UGT2A1: variants seen among roughly 807,000 people sequenced by gnomAD.
UGT2A1 encodes the protein UDP-glucuronosyltransferase 2A1.
Under a neutral mutation model 45.4 loss-of-function variants are expected in UGT2A1, and 61 were observed. The ratio of observed to expected loss-of-function variants is 1.34; its 90% CI spans 1.09 to 1.66. The LOEUF (loss-of-function observed/expected upper bound fraction) is 1.66. Ranked by LOEUF, UGT2A1 falls within the 40% of genes most tolerant of loss-of-function variation. The pLI, the probability that UGT2A1 is intolerant of heterozygous loss-of-function variation, is 0.00. For missense variants in UGT2A1, 649 were observed against 574.3 expected (o/e 1.13, Z -1.33); for synonymous variants, 229 against 196.2 (o/e 1.17, Z -1.40).
At chr4:69,619,452 C>T (rs1015784086) in intron 3 of UGT2A1, among the ~76,000 whole-genome samples, 4 of 141,260 alleles carry the variant, frequency 2.8e-5, no homozygotes, top group Non-Finnish European at 4.6e-5. Flanking sequence ...TAAATAAAGC[C>T]AATATACAAA....
intron 6 of UGT2A1, 65 bp downstream of exon 6, chr4:69,594,412 C>T: frequency 6.4e-7 from 1 of 1,565,206 alleles, no homozygotes. Context: ...AAAGAATGTA[C>T]ATTTTCTGGT....
chr4:69,639,467 A>C, intron 2 of UGT2A1: 1 of 1,613,224 alleles, frequency 6.2e-7, no homozygotes, highest in Non-Finnish European at 8.5e-7. Context: ...GTACAGTCAC[A>C]TTGTGATTTC....
chr4:69,608,722 C>T (rs938953451), intron 3 of UGT2A1, among the ~76,000 whole-genome samples: 1 of 151,944 alleles, frequency 6.6e-6, no homozygotes. Context: ...AGAGACAGAG[C>T]TTCACTCTTG....
rs1366425775 is a variant in UGT2A1, at chr4:69,646,957, A to G, written c.688T>C (p.Trp230Arg). Reference sequence around the variant, plus strand: ...AAAGCTTTACTATAGTATGAATCCCATGATTTCCAAAGAGTTTCAAACATG... The same window carrying G: ...AAAGCTTTACTATAGTATGAATCCCGTGATTTCCAAAGAGTTTCAAACATG... Reference protein sequence around the residue: ...DYMFETLWKSWDSYYSKALGG... With the variant: ...DYMFETLWKSRDSYYSKALGG... The change falls in exon 2 of 7, where the codon TGG (tryptophan) becomes CGG (arginine). Residue 230 changes from tryptophan to arginine, a missense_variant. Trp to Arg is a moderately radical substitution (Grantham distance 101). Coordinates refer to ENST00000286604, the MANE Select transcript of UGT2A1 (RefSeq NM_001252275.3). 6.3e-7 allele frequency: 1 copy of G among 1,597,858 alleles called. No homozygotes were observed. Among genetic ancestry groups the G allele is most frequent in the Non-Finnish European group, 8.5e-7 (1 of 1,173,788 alleles).
chr4:69,652,429 G>A (rs891788128), intron 1 of UGT2A1, among the ~76,000 whole-genome samples: 24 of 150,884 alleles, frequency 1.6e-4, no homozygotes, highest in African/African-American at 5.4e-4. Flanking sequence ...GATTATAGGC[G>A]ACCACCACCA....
At chr4:69,638,500 C>T (rs1157395405) in intron 2 of UGT2A1, among the ~76,000 whole-genome samples, 3 of 152,056 alleles carry the variant, frequency 2.0e-5, no homozygotes, top group Non-Finnish European at 4.4e-5. Flanking sequence ...CTTTTCAAAG[C>T]TTTCTGCAGA....
At chr4:69,640,415 T>C (rs1721988836) in intron 2 of UGT2A1, among the ~76,000 whole-genome samples, 1 of 151,974 alleles carries the variant, frequency 6.6e-6, no homozygotes, top group African/African-American at 2.4e-5. Context: ...TTAATAAATT[T>C]GTCCAAAGAT....
chr4:69,611,364 A>T (rs1449201520), intron 3 of UGT2A1, among the ~76,000 whole-genome samples: 1 of 151,706 alleles, frequency 6.6e-6, no homozygotes, highest in Non-Finnish European at 1.5e-5. Flanking sequence ...CAGGGTCATA[A>T]AAGTACTCTA....
intron 3 of UGT2A1, among the ~76,000 whole-genome samples, chr4:69,630,934 A>G (rs1721346249): frequency 6.6e-6 from 1 of 152,060 alleles, no homozygotes; most frequent in South Asian, 2.1e-4. Flanking sequence ...AGAATACACG[A>G]CTAAGTGGCA....
chr4:69,623,943 TA>T (rs948274364), intron 3 of UGT2A1, among the ~76,000 whole-genome samples: 3 of 151,692 alleles, frequency 2.0e-5, no homozygotes, highest in South Asian at 4.1e-4. Context: ...ACAAGCACCT[TA>T]AAAAAGCATC....
chr4:69,649,866 C>T (rs568894844), intron 1 of UGT2A1, among the ~76,000 whole-genome samples: 1 of 152,052 alleles, frequency 6.6e-6, no homozygotes, highest in African/African-American at 2.4e-5. Flanking sequence ...TCTCCTGACA[C>T]ATGCGCAGTA....
At chr4:69,609,597 T>C (rs181905620) in intron 3 of UGT2A1, among the ~76,000 whole-genome samples, 34 of 152,308 alleles carry the variant, frequency 2.2e-4, no homozygotes, top group East Asian at 2.1e-3. Context: ...ATGGGAAATA[T>C]AACACCCTAC....
At chr4:69,648,399 T>C (rs573726424) in intron 1 of UGT2A1, among the ~76,000 whole-genome samples, 2 of 151,802 alleles carry the variant, frequency 1.3e-5, no homozygotes, top group Non-Finnish European at 2.9e-5. Context: ...TTTAAGAGAA[T>C]TACTAAGTCA....
Position 69,595,235 on chromosome 4 carries a change from G to A in UGT2A1, c.1011C>T (p.Tyr337=). 1 of 1,613,588 alleles carries A rather than the reference G, an allele frequency of 6.2e-7. No homozygotes were observed. The highest frequency in any genetic ancestry group is 8.5e-7 in the Non-Finnish European group (1 of 1,179,804). Residue 337 remains tyrosine (Y), a synonymous_variant, in exon 5 of 7, where the codon TAC becomes TAT. Transcript: ENST00000286604. ...CTAATGTGGCTGGTTTCTTTCCTTT[G>A]TATCTCCATAAAACCTGTGGAAAAT... ...AKPLPKVLWR[Y]KGKKPATLGN...
In UGT2A1 at chr4:69,595,161, C is replaced by T. The variant is rs1337562356; in HGVS notation, c.1084+1G>A. 4.3e-6 allele frequency: 7 copies of T among 1,613,804 alleles called. No individual in the cohort carries two copies. In the Admixed American group the frequency reaches 1.2e-4, roughly 27 times the overall value. The stretch of plus-strand genomic sequence containing the variant: ...CAGCTTTTCTTTCCCCACAGTCTTA[C>T]CAAGAAGATCATTCTGGGGTATCCA... On this transcript the variant is annotated splice_donor_variant, in intron 5 of 6. Transcript: ENST00000286604. LOFTEE classifies it high-confidence loss of function.
In UGT2A1 at chr4:69,603,842, T is replaced by A. The variant is rs1192689268; in HGVS notation, c.848-4448A>T. Among the ~76,000 whole-genome samples the A allele has an allele frequency of 3.7e-5, 5 of 135,870 alleles. 2 individuals are homozygous for A. Among genetic ancestry groups the A allele is most frequent in the Non-Finnish European group, 7.8e-5 (5 of 64,100 alleles). 89.1% of individuals were successfully genotyped at this position (135,870 alleles called of 152,430 possible). On this transcript the variant is annotated intron_variant, in intron 3 of 6. Transcript: ENST00000286604. ...GTGATGGAAGATCAAATGAATGAAA[T>A]GAAGCGAGAAGAGAAGTTTAGAGAA...
At chr4:69,651,936 C>G (rs1211408997) in intron 1 of UGT2A1, among the ~76,000 whole-genome samples, 1 of 152,160 alleles carries the variant, frequency 6.6e-6, no homozygotes, top group Non-Finnish European at 1.5e-5. Context: ...AAGAGGCGAG[C>G]CTATAAAGTC....
At chr4:69,591,492 G>A (rs1308041874) in intron 6 of UGT2A1, among the ~76,000 whole-genome samples, 1 of 152,110 alleles carries the variant, frequency 6.6e-6, no homozygotes, top group Non-Finnish European at 1.5e-5. Context: ...CTTATTTGCA[G>A]AGGAAGCCTT....
At chr4:69,634,106 T>G (rs11931171) in intron 3 of UGT2A1, among the ~76,000 whole-genome samples, 40,153 of 151,572 alleles carry the variant, frequency 0.26, 5,500 homozygotes, top group Middle Eastern at 0.31. Context: ...TTAGCCGGGC[T>G]TGGTGACCGG....
Sources: gnomAD v4.1 joint callset for allele counts (sites outside exome capture counted in the v4.1 genomes callset) on GRCh38, gnomAD v4.1.1 for gene constraint, MANE v1.5 for transcripts, NCBI Gene and HGNC (gene_info 2026-07-23, HGNC 2026-07-21) for gene names.